Variants in MCPH1 observed in about 807,000 individuals in gnomAD.
MCPH1 encodes the protein microcephalin.
Under a neutral mutation model 84.5 loss-of-function variants are expected in MCPH1, and 104 were observed. That is an observed-to-expected ratio of 1.23 (90% CI 1.05 to 1.45). MCPH1 has a LOEUF of 1.45. Among genes scored for constraint, MCPH1 ranks in the 40% most tolerant of loss-of-function variants. The pLI, the probability that MCPH1 is intolerant of heterozygous loss-of-function variation, is 0.00. For synonymous variants in MCPH1, 514 were observed against 366.8 expected, an observed-to-expected ratio of 1.40 and a Z score of -4.58; for missense variants, 1,498 against 1,005.7, an observed-to-expected ratio of 1.49 and a Z score of -6.62.
chr8:6,604,184 TTCCAGGTTTGCACTGGAAGGA>T (rs2129578506), intron 12 of MCPH1, among the ~76,000 whole-genome samples: 1 of 117,978 alleles, frequency 8.5e-6, no homozygotes, highest in African/African-American at 2.6e-5. Flanking sequence ...CCAAGTGGCC[TTCCAGGTTTGCACTGGAAGGA>T]GCCACAGCCC....
intron 12 of MCPH1, among the ~76,000 whole-genome samples, chr8:6,592,545 C>A (rs891013155): frequency 6.6e-6 from 1 of 151,404 alleles, no homozygotes; most frequent in South Asian, 2.1e-4. Flanking sequence ...CTTCCTCTCT[C>A]TCTAAAAGTA....
rs192553256 is a variant in MCPH1, at chr8:6,454,664, G to C, written c.1826-479G>C. Among the ~76,000 whole-genome samples the C allele has an allele frequency of 2.7e-3, 414 of 152,256 alleles. 3 individuals carry two copies. The highest frequency in any genetic ancestry group is 9.4e-3 in the African/African-American group (392 of 41,552). On this transcript the variant is annotated intron_variant, in intron 8 of 13. Coordinates refer to ENST00000344683, the MANE Select transcript of MCPH1 (RefSeq NM_024596.5). ...GACGCTGGTCTAAGGTGGAAACTTG[G>C]GGGGAGTAAAATCATCATCCATCAT... is the stretch of plus-strand genomic sequence containing the variant.
chr8:6,492,858 A>G (rs1205725066), intron 11 of MCPH1, among the ~76,000 whole-genome samples: 3 of 152,040 alleles, frequency 2.0e-5, no homozygotes, highest in Non-Finnish European at 4.4e-5. Context: ...ACTCTTGGGT[A>G]GTACAGAGAC....
intron 12 of MCPH1, chr8:6,616,164 A>G (rs1295884316): frequency 1.3e-5 from 2 of 152,188 alleles, no homozygotes; most frequent in Non-Finnish European, 2.9e-5. Context: ...GTGAATGAGA[A>G]CTACAGCCCT....
intron 12 of MCPH1, among the ~76,000 whole-genome samples, chr8:6,599,151 C>T (rs1054354196): frequency 5.9e-5 from 9 of 152,204 alleles, no homozygotes; most frequent in Admixed American, 4.6e-4. Flanking sequence ...AGGAAGTCCT[C>T]TTCCTAATCT....
chr8:6,611,303 C>G (rs778198701), intron 12 of MCPH1, among the ~76,000 whole-genome samples: 1 of 152,214 alleles, frequency 6.6e-6, no homozygotes, highest in Non-Finnish European at 1.5e-5. Flanking sequence ...CAAGCCTGCC[C>G]CCCTACCCAT....
chr8:6,553,288 C>T (rs558827968), intron 12 of MCPH1, among the ~76,000 whole-genome samples: 1 of 152,110 alleles, frequency 6.6e-6, no homozygotes, highest in Non-Finnish European at 1.5e-5. Flanking sequence ...TTTAAAAAAT[C>T]ATTTACTACA....
chr8:6,476,748 C>G lies in MCPH1; in HGVS notation c.1936-846C>G, dbSNP rs146626946. Among the ~76,000 whole-genome samples the G allele has an allele frequency of 1.2e-3, 190 of 152,172 alleles. 3 individuals carry two copies. The East Asian group carries it at 0.03, about 24-fold the overall frequency. On this transcript the variant is annotated intron_variant, in intron 9 of 13. Coordinates refer to ENST00000344683, the MANE Select transcript of MCPH1 (RefSeq NM_024596.5). ...TTCCTTCTCATTTACTTCACCTTGA[C>G]TTTTCAAGACATATTGGTTATACTA...
chr8:6,640,268 G>C (rs1797859358), intron 13 of MCPH1, among the ~76,000 whole-genome samples: 1 of 152,070 alleles, frequency 6.6e-6, no homozygotes, highest in East Asian at 1.9e-4. Context: ...CCTAGGATAT[G>C]TGTACTTAAA....
intron 13 of MCPH1, among the ~76,000 whole-genome samples, chr8:6,637,809 C>T (rs1256204394): frequency 1.3e-5 from 2 of 152,044 alleles, no homozygotes; most frequent in African/African-American, 4.8e-5. Flanking sequence ...CGGACCTTTG[C>T]AGTGGTTCAG....
At chr8:6,533,391 G>A (rs1819899536) in intron 12 of MCPH1, among the ~76,000 whole-genome samples, 1 of 152,184 alleles carries the variant, frequency 6.6e-6, no homozygotes, top group African/African-American at 2.4e-5. Context: ...AGCCAGGGAA[G>A]CCTGCCCTCT....
intron 1 of MCPH1, 92 bp downstream of exon 1, chr8:6,406,781 G>C: frequency 7.3e-7 from 1 of 1,371,808 alleles, no homozygotes; most frequent in Non-Finnish European, 1.0e-6. Flanking sequence ...CGTGGGAGGA[G>C]CCCCGCTCGC....
Position 6,444,706 on chromosome 8 carries a change from G to T in MCPH1, c.984G>T (p.Glu328Asp). ...GTATGTCTCAGGAGACGTTTGAAGAGAAGTATCGTTTGTCTCCTACCTTAT... is the reference window on the plus strand; with the variant it reads ...GTATGTCTCAGGAGACGTTTGAAGATAAGTATCGTTTGTCTCCTACCTTAT... Reference protein sequence around the residue: ...AAGMSQETFEEKYRLSPTLSS... With the variant: ...AAGMSQETFEDKYRLSPTLSS... Residue 328 changes from glutamate to aspartate, a missense_variant, in exon 8 of 14, where the codon GAG becomes GAT. By Grantham distance (45) the Glu-to-Asp change is conservative. Coordinates refer to ENST00000344683, the MANE Select transcript of MCPH1 (RefSeq NM_024596.5). 5 of 1,614,096 alleles carry T rather than the reference G, an allele frequency of 3.1e-6. No homozygotes were observed. The highest frequency in any genetic ancestry group is 3.4e-6 in the Non-Finnish European group (4 of 1,180,034).
chr8:6,621,403 G>C (rs762279386), intron 12 of MCPH1, 51 bp from the exon 13 acceptor site: 1 of 1,607,754 alleles, frequency 6.2e-7, no homozygotes, highest in Admixed American at 1.7e-5. Flanking sequence ...CCTACGCTAT[G>C]GAGACTGGAG....
intron 3 of MCPH1, among the ~76,000 whole-genome samples, chr8:6,425,193 C>T (rs952805197): frequency 6.6e-6 from 1 of 152,192 alleles, no homozygotes; most frequent in East Asian, 1.9e-4. Flanking sequence ...CCGAGGAGAA[C>T]GTTGCTGCTT....
chr8:6,458,453 CAG>C (rs1198444285), intron 9 of MCPH1, among the ~76,000 whole-genome samples: 2 of 129,876 alleles, frequency 1.5e-5, no homozygotes, highest in Non-Finnish European at 3.1e-5. Flanking sequence ...GCCTGGGCAA[CAG>C]AGTGAGACTC....
At chr8:6,532,632 T>C (rs1819743411) in intron 12 of MCPH1, 7 of 670,310 alleles carry the variant, frequency 1.0e-5, no homozygotes, top group Non-Finnish European at 1.6e-5. Flanking sequence ...TTTTGGAATC[T>C]TACTATTTTT....
At chr8:6,619,019 C>A (rs1010288378) in intron 12 of MCPH1, 1 of 152,178 alleles carries the variant, frequency 6.6e-6, no homozygotes, top group Non-Finnish European at 1.5e-5. Flanking sequence ...AAAACTCCCC[C>A]AGAATCCCAC....
intron 3 of MCPH1, among the ~76,000 whole-genome samples, chr8:6,420,129 T>C (rs1318399247): frequency 4.0e-5 from 6 of 151,814 alleles, no homozygotes; most frequent in Non-Finnish European, 8.8e-5. Context: ...TCTCTTAGTT[T>C]CTTCTTTTTT....
Sources: gnomAD v4.1 joint callset for allele counts (sites outside exome capture counted in the v4.1 genomes callset) on GRCh38, gnomAD v4.1.1 for gene constraint, MANE v1.5 for transcripts, NCBI Gene and HGNC (gene_info 2026-07-23, HGNC 2026-07-21) for gene names.